The following CTNNA2 variants were observed in gnomAD, a reference collection of about 807,000 sequenced individuals.
The protein encoded by CTNNA2 is catenin alpha-2.
A neutral mutation model predicts 101.0 loss-of-function variants in CTNNA2; 42 were observed. The observed-to-expected ratio is 0.42, with a 90% CI of 0.32 to 0.54. The LOEUF (loss-of-function observed/expected upper bound fraction) is 0.54, where lower values mean the gene tolerates loss of function less well. Ranked by LOEUF, CTNNA2 falls within the 20% of genes least tolerant of loss-of-function variation. CTNNA2 has a pLI of 0.14. For missense variants in CTNNA2, 871 were observed against 1,223.1 expected, an observed-to-expected ratio of 0.71 and a Z score of 4.29; for synonymous variants, 450 against 456.4, an observed-to-expected ratio of 0.99 and a Z score of 0.18.
chr2:79,940,019 G>T (rs779777782), intron 7 of CTNNA2, among the ~76,000 whole-genome samples: 7 of 152,106 alleles, frequency 4.6e-5, no homozygotes, highest in Non-Finnish European at 8.8e-5. Flanking sequence ...TTGAACCTGG[G>T]AGGCAGAGGT....
At chr2:79,355,828 AT>A (rs1677496972) in intron 3 of CTNNA2, among the ~76,000 whole-genome samples, 1 of 152,062 alleles carries the variant, frequency 6.6e-6, no homozygotes, top group South Asian at 2.1e-4. Context: ...TACCACATTT[AT>A]TAATTTATCT....
At chr2:79,562,153 A>C (rs999205389) in intron 1 of CTNNA2, among the ~76,000 whole-genome samples, 2 of 152,006 alleles carry the variant, frequency 1.3e-5, no homozygotes, top group African/African-American at 4.8e-5. Context: ...TAGGCATCCA[A>C]CTACATTCTT....
intron 7 of CTNNA2, chr2:80,163,223 A>G: frequency 1.1e-6 from 1 of 875,592 alleles, no homozygotes; most frequent in Admixed American, 2.2e-5. Context: ...CTAGCTTATT[A>G]TTATAGTAGA....
At chr2:80,189,726 C>G (rs1706357183) in intron 7 of CTNNA2, among the ~76,000 whole-genome samples, 1 of 150,694 alleles carries the variant, frequency 6.6e-6, no homozygotes, top group Non-Finnish European at 1.5e-5. Context: ...CTAGAGGTGA[C>G]TAGACAAGGT....
chr2:79,242,117 A>G (rs1186227819), intron 2 of CTNNA2, among the ~76,000 whole-genome samples: 1 of 152,050 alleles, frequency 6.6e-6, no homozygotes, highest in African/African-American at 2.4e-5. Flanking sequence ...TGTGTTAGCC[A>G]GGATGGTCTC....
In CTNNA2 at chr2:80,647,838, C is replaced by T. The variant is rs1405977326; in HGVS notation, c.2828C>T (p.Ala943Val). Reference sequence around the variant, plus strand: ...AAGAAACACATTTCGCCTGTACAGGCTTTAAGTGAATTCAAAGCAATGGAT... The same window carrying T: ...AAGAAACACATTTCGCCTGTACAGGTTTTAAGTGAATTCAAAGCAATGGAT... ...SQKKHISPVQALSEFKAMDSF is the reference protein window; with the variant it reads ...SQKKHISPVQVLSEFKAMDSF Residue 943 changes from alanine to valine, a missense_variant, in exon 19 of 19, where the codon GCT becomes GTT. Physicochemically the swap from Ala to Val is moderately conservative, Grantham distance 64. Coordinates refer to ENST00000402739, the MANE Select transcript of CTNNA2 (RefSeq NM_001282597.3). 1 of 1,609,626 alleles carries T rather than the reference C, an allele frequency of 6.2e-7. No homozygotes were observed. The highest frequency in any genetic ancestry group is 8.5e-7 in the Non-Finnish European group (1 of 1,177,140).
intron 7 of CTNNA2, among the ~76,000 whole-genome samples, chr2:79,995,292 G>A (rs1329817077): frequency 2.0e-5 from 3 of 152,202 alleles, no homozygotes; most frequent in Non-Finnish European, 4.4e-5. Flanking sequence ...ACAGGCAGGG[G>A]TGGTGTGTGA....
chr2:79,804,526 C>A (rs1469773871), intron 3 of CTNNA2, among the ~76,000 whole-genome samples: 3 of 152,044 alleles, frequency 2.0e-5, no homozygotes, highest in Admixed American at 2.0e-4. Context: ...TTCTGTGATG[C>A]AAAATTGAAG....
chr2:80,555,030 A>G (rs1328647767), intron 11 of CTNNA2, among the ~76,000 whole-genome samples: 1 of 152,162 alleles, frequency 6.6e-6, no homozygotes, highest in Non-Finnish European at 1.5e-5. Flanking sequence ...TCTTGACTAT[A>G]ATCTGAGGGA....
intron 8 of CTNNA2, among the ~76,000 whole-genome samples, chr2:80,396,132 G>A (rs1189853052): frequency 1.3e-5 from 2 of 152,150 alleles, no homozygotes; most frequent in Non-Finnish European, 2.9e-5. Flanking sequence ...TGAATATAAA[G>A]GATTTTGGTT....
intron 18 of CTNNA2, among the ~76,000 whole-genome samples, chr2:80,624,402 C>CT (rs1014443534): frequency 6.6e-6 from 1 of 151,786 alleles, no homozygotes; most frequent in South Asian, 2.1e-4. Context: ...GTTTGTTTTT[C>CT]TTTTTTTCGT....
intron 1 of CTNNA2, among the ~76,000 whole-genome samples, chr2:79,579,068 T>C (rs1675978867): frequency 6.6e-6 from 1 of 151,604 alleles, no homozygotes; most frequent in African/African-American, 2.4e-5. Flanking sequence ...TTTTCTTTCC[T>C]TTTCTTCCTC....
chr2:79,752,848 T>A (rs1018734361), intron 3 of CTNNA2, among the ~76,000 whole-genome samples: 5 of 152,144 alleles, frequency 3.3e-5, no homozygotes, highest in African/African-American at 1.2e-4. Flanking sequence ...TCAGGGTATA[T>A]ATGAAGAGAA....
At chr2:79,203,293 A>G (rs955410327) in intron 2 of CTNNA2, among the ~76,000 whole-genome samples, 2 of 152,228 alleles carry the variant, frequency 1.3e-5, no homozygotes, top group Non-Finnish European at 2.9e-5. Context: ...ATCCAAATTC[A>G]TTAGAAAATA....
intron 1 of CTNNA2, among the ~76,000 whole-genome samples, chr2:79,611,171 T>G (rs1334635721): frequency 6.6e-6 from 1 of 152,202 alleles, no homozygotes; most frequent in Non-Finnish European, 1.5e-5. Context: ...CAGCAGTTAC[T>G]CTTTGGAAGG....
chr2:79,841,470 G>T (rs1011528679), intron 3 of CTNNA2, among the ~76,000 whole-genome samples: 1 of 152,064 alleles, frequency 6.6e-6, no homozygotes, highest in African/African-American at 2.4e-5. Context: ...ACTAGTAAAT[G>T]ATATCTAATT....
chr2:80,529,639 C>A (rs927711106), intron 9 of CTNNA2, among the ~76,000 whole-genome samples: 1 of 152,094 alleles, frequency 6.6e-6, no homozygotes, highest in African/African-American at 2.4e-5. Context: ...GATTGCAGAG[C>A]CTATTTGAGG....
intron 7 of CTNNA2, among the ~76,000 whole-genome samples, chr2:80,088,858 G>A (rs1467659119): frequency 6.6e-6 from 1 of 152,020 alleles, no homozygotes; most frequent in African/African-American, 2.4e-5. Flanking sequence ...GCTGTTAACT[G>A]AGACCTACAG....
intron 3 of CTNNA2, among the ~76,000 whole-genome samples, chr2:79,319,231 C>T (rs1676563172): frequency 6.6e-6 from 1 of 152,172 alleles, no homozygotes; most frequent in Non-Finnish European, 1.5e-5. Context: ...GAGATCCAGA[C>T]TTCTTGCACC....
Sources: gnomAD v4.1 joint callset for allele counts (sites outside exome capture counted in the v4.1 genomes callset) on GRCh38, gnomAD v4.1.1 for gene constraint, MANE v1.5 for transcripts, NCBI Gene and HGNC (gene_info 2026-07-23, HGNC 2026-07-21) for gene names.